PCDH9: variants seen among roughly 807,000 people sequenced by gnomAD.
The protein encoded by PCDH9 is protocadherin 9, also known as protocadherin-9.
A neutral mutation model predicts 70.6 loss-of-function variants in PCDH9; 24 were observed. The ratio of observed to expected loss-of-function variants is 0.34; its 90% CI spans 0.25 to 0.48. The LOEUF (loss-of-function observed/expected upper bound fraction) is 0.48, where lower values mean the gene tolerates loss of function less well. Among genes scored for constraint, PCDH9 ranks in the 20% least tolerant of loss-of-function variants. The pLI is 0.99. For synonymous variants in PCDH9, 562 were observed against 558.5 expected, an observed-to-expected ratio of 1.01 and a Z score of -0.09; for missense variants, 1,281 against 1,503.6, an observed-to-expected ratio of 0.85 and a Z score of 2.45.
chr13:66,315,234 C>G (rs748128549), intron 4 of PCDH9, among the ~76,000 whole-genome samples: 1 of 152,138 alleles, frequency 6.6e-6, no homozygotes, highest in Non-Finnish European at 1.5e-5. Flanking sequence ...TTCAGAGCCT[C>G]CAGATAACAG....
intron 2 of PCDH9, among the ~76,000 whole-genome samples, chr13:66,904,601 G>C (rs1348263030): frequency 1.3e-5 from 2 of 151,794 alleles, no homozygotes; most frequent in African/African-American, 4.8e-5. Context: ...CAAGCAAAGA[G>C]ACTATTCTTT....
chr13:66,860,072 T>C (rs977453673), intron 3 of PCDH9, among the ~76,000 whole-genome samples: 2 of 152,192 alleles, frequency 1.3e-5, no homozygotes, highest in African/African-American at 2.4e-5. Context: ...TTCAATGTTA[T>C]GTAAATGAAA....
intron 4 of PCDH9, among the ~76,000 whole-genome samples, chr13:66,482,445 T>G (rs1958858990): frequency 6.6e-6 from 1 of 152,210 alleles, no homozygotes; most frequent in African/African-American, 2.4e-5. Flanking sequence ...CATGTTGCTC[T>G]AATCTGAAGT....
intron 2 of PCDH9, among the ~76,000 whole-genome samples, chr13:67,174,561 C>T (rs2088395080): frequency 6.6e-6 from 1 of 152,150 alleles, no homozygotes; most frequent in Non-Finnish European, 1.5e-5. Flanking sequence ...TGTGTGGGAG[C>T]TCCTATAGCA....
intron 4 of PCDH9, among the ~76,000 whole-genome samples, chr13:66,440,924 CT>C (rs1957962481): frequency 6.6e-6 from 1 of 152,070 alleles, no homozygotes; most frequent in Non-Finnish European, 1.5e-5. Flanking sequence ...CACACAGATT[CT>C]GCATTGCATA....
At chr13:66,599,439 T>C (rs1460592189) in intron 4 of PCDH9, among the ~76,000 whole-genome samples, 1 of 151,950 alleles carries the variant, frequency 6.6e-6, no homozygotes, top group Non-Finnish European at 1.5e-5. Flanking sequence ...AGTTATTACC[T>C]GAAATGTTAA....
At chr13:66,900,958 A>G (rs1412612210) in intron 3 of PCDH9, among the ~76,000 whole-genome samples, 3 of 151,770 alleles carry the variant, frequency 2.0e-5, no homozygotes, top group South Asian at 2.1e-4. Flanking sequence ...TCAGATGCCA[A>G]TTTTGTAGGT....
chr13:66,548,960 G>T (rs1025334063), intron 4 of PCDH9, among the ~76,000 whole-genome samples: 2 of 151,926 alleles, frequency 1.3e-5, no homozygotes, highest in African/African-American at 2.4e-5. Flanking sequence ...TGTTAAAAAG[G>T]AAGTTTTTAA....
At chr13:66,846,140 A>AT in intron 3 of PCDH9, among the ~76,000 whole-genome samples, 1 of 146,768 alleles carries the variant, frequency 6.8e-6, no homozygotes, top group Non-Finnish European at 1.5e-5. Flanking sequence ...AAAGACCAAA[A>AT]AAAAAAAAAA....
intron 4 of PCDH9, among the ~76,000 whole-genome samples, chr13:66,525,629 C>T (rs908932466): frequency 6.6e-6 from 1 of 152,080 alleles, no homozygotes; most frequent in African/African-American, 2.4e-5. Context: ...CTTTTTAATG[C>T]CAAATTTCTT....
At chr13:66,762,872 A>T (rs946774007) in intron 3 of PCDH9, among the ~76,000 whole-genome samples, 3 of 152,088 alleles carry the variant, frequency 2.0e-5, no homozygotes, top group African/African-American at 7.2e-5. Context: ...GAGAAAAAAA[A>T]TTTAATTTAT....
At chr13:66,593,882 A>G (rs550059877) in intron 4 of PCDH9, among the ~76,000 whole-genome samples, 12 of 151,844 alleles carry the variant, frequency 7.9e-5, no homozygotes, top group African/African-American at 2.9e-4. Context: ...TAGAATATGT[A>G]GATAGTACTC....
At position 66,493,508 on chromosome 13, in the gene PCDH9, C is replaced by T. The variant is rs531628977; in HGVS notation, c.3340+137702G>A. 1.4e-4 allele frequency among the ~76,000 whole-genome samples: 22 copies of T among 152,108 alleles called. 1 individual carries two copies. In the South Asian group the frequency reaches 3.5e-3, roughly 24 times the overall value. The stretch of plus-strand genomic sequence containing the variant: ...TATTCACTTATATCTCATGCAACCA[C>T]GGTAATTTAATTGGCTACCATAAAA... On this transcript the variant is annotated intron_variant, in intron 4 of 4. Coordinates refer to ENST00000377865, the MANE Select transcript of PCDH9 (RefSeq NM_203487.3).
At chr13:66,863,113 A>T (rs925324265) in intron 3 of PCDH9, among the ~76,000 whole-genome samples, 1 of 152,216 alleles carries the variant, frequency 6.6e-6, no homozygotes, top group Non-Finnish European at 1.5e-5. Flanking sequence ...TCAGAGGCGA[A>T]TTTAAATGTA....
chr13:66,375,745 T>C (rs573283952), intron 4 of PCDH9, among the ~76,000 whole-genome samples: 2 of 152,198 alleles, frequency 1.3e-5, no homozygotes, highest in East Asian at 3.9e-4. Flanking sequence ...TGAATAAGTG[T>C]ATTACTTTAT....
chr13:66,646,326 G>T (rs181301428), intron 3 of PCDH9, among the ~76,000 whole-genome samples: 1 of 152,102 alleles, frequency 6.6e-6, no homozygotes, highest in Non-Finnish European at 1.5e-5. Context: ...ATATAGCTGG[G>T]ATTTTCACTG....
At chr13:66,876,273 T>G (rs1438138267) in intron 3 of PCDH9, among the ~76,000 whole-genome samples, 1 of 152,130 alleles carries the variant, frequency 6.6e-6, no homozygotes, top group Non-Finnish European at 1.5e-5. Context: ...AATATTCAAT[T>G]ACTGTGTATC....
chr13:66,704,369 G>A (rs541089941), intron 3 of PCDH9, among the ~76,000 whole-genome samples: 2 of 152,286 alleles, frequency 1.3e-5, no homozygotes, highest in South Asian at 4.1e-4. Context: ...AAGCTGACAT[G>A]AGCCACAAGA....
intron 2 of PCDH9, among the ~76,000 whole-genome samples, chr13:66,983,595 A>C (rs1378123511): frequency 1.3e-5 from 2 of 152,208 alleles, no homozygotes; most frequent in African/African-American, 4.8e-5. Flanking sequence ...AGATGGCTTT[A>C]AAAATATTCT....
Sources: gnomAD v4.1 joint callset for allele counts (sites outside exome capture counted in the v4.1 genomes callset) on GRCh38, gnomAD v4.1.1 for gene constraint, MANE v1.5 for transcripts, NCBI Gene and HGNC (gene_info 2026-07-23, HGNC 2026-07-21) for gene names.